The following ULK4 variants were observed in gnomAD, a reference collection of about 807,000 sequenced individuals.
ULK4 encodes the protein inactive serine/threonine-protein kinase ULK4.
In ULK4, 133 loss-of-function variants were observed where a neutral mutation model predicts 160.6. The observed-to-expected ratio is 0.83, with a 90% CI of 0.72 to 0.96. The LOEUF (loss-of-function observed/expected upper bound fraction) is 0.96, where lower values mean the gene tolerates loss of function less well. Among genes scored for constraint, ULK4 ranks in the 40% least tolerant of loss-of-function variants. The pLI is 0.00. For missense variants in ULK4, 1,580 were observed against 1,499.5 expected (o/e 1.05, Z -0.89); for synonymous variants, 534 against 539.8 (o/e 0.99, Z 0.15).
chr3:41,576,981 C>A (rs1232839715), intron 31 of ULK4, among the ~76,000 whole-genome samples: 1 of 152,152 alleles, frequency 6.6e-6, no homozygotes, highest in East Asian at 1.9e-4. Context: ...TAATTACACA[C>A]AATTATCACA....
intron 27 of ULK4, among the ~76,000 whole-genome samples, chr3:41,694,653 G>A (rs1214974008): frequency 6.6e-6 from 1 of 152,132 alleles, no homozygotes. Flanking sequence ...AATAGCATTA[G>A]TATTTGCATA....
At chr3:41,457,832 T>C (rs925453292) in intron 33 of ULK4, among the ~76,000 whole-genome samples, 12 of 152,268 alleles carry the variant, frequency 7.9e-5, no homozygotes, top group African/African-American at 2.9e-4. Context: ...CTTTTGTCAT[T>C]GCTGTGTGTG....
chr3:41,406,027 C>T (rs974963360), intron 34 of ULK4, among the ~76,000 whole-genome samples: 1 of 152,014 alleles, frequency 6.6e-6, no homozygotes, highest in African/African-American at 2.4e-5. Context: ...AGGATTTAGT[C>T]CTAAATTATT....
At chr3:41,306,335 C>A (rs1191441690) in intron 35 of ULK4, among the ~76,000 whole-genome samples, 1 of 127,530 alleles carries the variant, frequency 7.8e-6, no homozygotes, top group Non-Finnish European at 1.5e-5. Context: ...CCGCCCCATC[C>A]GGGAGGGAGG....
At chr3:41,813,983 G>C (rs921366372) in intron 19 of ULK4, among the ~76,000 whole-genome samples, 9 of 152,162 alleles carry the variant, frequency 5.9e-5, no homozygotes, top group African/African-American at 2.2e-4. Context: ...GTGGTATGAG[G>C]GAAGTGATTC....
At chr3:41,825,165 C>A (rs59248949) in intron 18 of ULK4, among the ~76,000 whole-genome samples, 5 of 151,900 alleles carry the variant, frequency 3.3e-5, no homozygotes, top group Admixed American at 1.3e-4. Flanking sequence ...CCCATCTGTA[C>A]ATCACCATCA....
At chr3:41,498,817 G>A (rs113631632) in intron 32 of ULK4, among the ~76,000 whole-genome samples, 3,581 of 152,044 alleles carry the variant, frequency 0.024, 146 homozygotes, top group African/African-American at 0.08. Flanking sequence ...GGATGGTCTC[G>A]ATCTCCTGAC....
chr3:41,736,016 T>A (rs1045170286), intron 22 of ULK4, among the ~76,000 whole-genome samples: 1 of 151,770 alleles, frequency 6.6e-6, no homozygotes, highest in African/African-American at 2.4e-5. Context: ...ACAAAGGACA[T>A]GAACTCATCA....
At chr3:41,909,881 T>C (rs1469467203) in intron 11 of ULK4, among the ~76,000 whole-genome samples, 1 of 152,208 alleles carries the variant, frequency 6.6e-6, no homozygotes, top group Non-Finnish European at 1.5e-5. Flanking sequence ...TTAAATACTT[T>C]AAATATTTAC....
At chr3:41,825,964 G>A (rs1017393013) in intron 18 of ULK4, among the ~76,000 whole-genome samples, 13 of 152,264 alleles carry the variant, frequency 8.5e-5, no homozygotes, top group African/African-American at 2.2e-4. Context: ...GGATCTCTTC[G>A]CAAAAACTCT....
At chr3:41,745,613 C>A (rs2038394533) in intron 22 of ULK4, among the ~76,000 whole-genome samples, 1 of 151,380 alleles carries the variant, frequency 6.6e-6, no homozygotes, top group South Asian at 2.1e-4. Context: ...TTCCAGAAAA[C>A]AGAAACAGAG....
At chr3:41,306,137 G>GA (rs2079921734) in intron 35 of ULK4, among the ~76,000 whole-genome samples, 1 of 107,270 alleles carries the variant, frequency 9.3e-6, no homozygotes, top group Non-Finnish European at 1.9e-5. Context: ...GTGGGGGGGG[G>GA]GGGTCAGCCC....
rs912255846 is a variant in ULK4 at position 41,926,600 on chromosome 3, GAA to G, written c.541+5242_541+5243del. Among the ~76,000 whole-genome samples the G allele has an allele frequency of 3.3e-5, 5 of 150,084 alleles. No homozygotes were observed. In the East Asian group the frequency reaches 7.8e-4, roughly 23 times the overall value. On this transcript the variant is annotated intron_variant, in intron 5 of 36. Coordinates refer to ENST00000301831, the MANE Select transcript of ULK4 (RefSeq NM_017886.4). ...CCAATGCAAGGAAGCTAAGAACCTT[GAA>G]AAAAGGTTAGAGGAATTGCTAACGA...
At chr3:41,779,822 C>T (rs1441834212) in intron 21 of ULK4, among the ~76,000 whole-genome samples, 1 of 87,170 alleles carries the variant, frequency 1.1e-5, no homozygotes, top group Non-Finnish European at 2.2e-5. Flanking sequence ...ATATCACACT[C>T]TGGGGACTGT....
chr3:41,439,901 T>C (rs1047310761), intron 34 of ULK4, among the ~76,000 whole-genome samples: 2 of 152,208 alleles, frequency 1.3e-5, no homozygotes, highest in South Asian at 2.1e-4. Context: ...TTAATTTCTC[T>C]AAGCAATGTT....
intron 29 of ULK4, among the ~76,000 whole-genome samples, chr3:41,680,085 A>C (rs938935541): frequency 6.6e-6 from 1 of 152,246 alleles, no homozygotes; most frequent in African/African-American, 2.4e-5. Flanking sequence ...AGAAAGATGC[A>C]TATAACTATA....
intron 4 of ULK4, among the ~76,000 whole-genome samples, chr3:41,935,209 ATTTTTTTTTTTTTTT>A (rs10524611): frequency 3.0e-5 from 4 of 135,550 alleles, no homozygotes; most frequent in Non-Finnish European, 4.5e-5. Context: ...TTATTTATTT[ATTTTTTTTTTTTTTT>A]TTTTTTTTTT....
intron 1 of ULK4, among the ~76,000 whole-genome samples, chr3:41,959,892 A>G (rs1269176798): frequency 6.6e-6 from 1 of 152,232 alleles, no homozygotes; most frequent in African/African-American, 2.4e-5. Context: ...TAAGCCAGAA[A>G]AAATATAATC....
intron 32 of ULK4, among the ~76,000 whole-genome samples, chr3:41,502,625 C>T (rs2085249145): frequency 6.6e-6 from 1 of 152,164 alleles, no homozygotes; most frequent in African/African-American, 2.4e-5. Flanking sequence ...AAGAACAATA[C>T]TATTGATACA....
Sources: gnomAD v4.1 joint callset for allele counts (sites outside exome capture counted in the v4.1 genomes callset) on GRCh38, gnomAD v4.1.1 for gene constraint, MANE v1.5 for transcripts, NCBI Gene and HGNC (gene_info 2026-07-23, HGNC 2026-07-21) for gene names.